Variants in BEGAIN observed in about 807,000 individuals in gnomAD.
BEGAIN encodes brain enriched guanylate kinase associated.
Under a neutral mutation model 35.8 loss-of-function variants are expected in BEGAIN, and 19 were observed. The observed-to-expected ratio is 0.53, with a 90% confidence interval of 0.37 to 0.78. The LOEUF (loss-of-function observed/expected upper bound fraction) is 0.78. Among genes scored for constraint, BEGAIN ranks in the 30% least tolerant of loss-of-function variants. BEGAIN has a pLI of 0.00. For synonymous variants in BEGAIN, 462 were observed against 388.6 expected (o/e 1.19, Z -2.22); for missense variants, 795 against 853.6 (o/e 0.93, Z 0.85).
At chr14:100,579,441 C>T (rs2035271324) in intron 1 of BEGAIN, among the ~76,000 whole-genome samples, 1 of 152,208 alleles carries the variant, frequency 6.6e-6, no homozygotes, top group Admixed American at 6.5e-5. Flanking sequence ...CTGCCCACTG[C>T]ACCCCACACA....
intron 2 of BEGAIN, among the ~76,000 whole-genome samples, chr14:100,561,980 C>G (rs932116882): frequency 2.6e-5 from 4 of 152,124 alleles, no homozygotes; most frequent in Non-Finnish European, 5.9e-5. Flanking sequence ...GTCTTGGTTC[C>G]TCACCCCCTG....
intron 6 of BEGAIN, chr14:100,540,065 T>G (rs1158862722): frequency 5.8e-6 from 1 of 172,906 alleles, no homozygotes; most frequent in Non-Finnish European, 1.2e-5. Context: ...GTCCTGGCTC[T>G]GCTACCTGCC....
chr14:100,552,333 G>A (rs368593760), intron 2 of BEGAIN, among the ~76,000 whole-genome samples: 1 of 152,170 alleles, frequency 6.6e-6, no homozygotes, highest in African/African-American at 2.4e-5. Context: ...CTGGTGACCC[G>A]CTCTGGTTCT....
At position 100,539,267 on chromosome 14, in the gene BEGAIN, C is replaced by T. The variant is rs1439849478; in HGVS notation, c.541G>A (p.Gly181Ser). The T allele has an allele frequency of 6.3e-6, 10 of 1,585,350 alleles. No homozygotes were observed. The highest frequency in any genetic ancestry group is 4.6e-5 in the South Asian group (4 of 86,082). ...ERVSLHMEKH[G>S]CSLPSPLCHP... ...CAGAGCGGGGATGGCAGGCTGCAGC[C>T]GTGCTTCTCCATGTGCAGGCTCACG... The change falls in exon 7 of 7, where the codon GGC (glycine) becomes AGC (serine). Residue 181 changes from glycine to serine, a missense_variant. By Grantham distance (56) the Gly-to-Ser change is moderately conservative (BLOSUM62 0). Coordinates refer to ENST00000554140, the MANE Select transcript of BEGAIN (RefSeq NM_001385089.1).
intron 1 of BEGAIN, chr14:100,577,200 C>T (rs888421812): frequency 2.3e-5 from 9 of 397,716 alleles, no homozygotes; most frequent in South Asian, 1.4e-4. Flanking sequence ...AGGTCTTTCC[C>T]GTTACAAATA....
intron 2 of BEGAIN, among the ~76,000 whole-genome samples, chr14:100,564,131 GCTGT>G (rs777909086): frequency 7.2e-5 from 11 of 151,822 alleles, no homozygotes; most frequent in Non-Finnish European, 1.2e-4. Context: ...GCAGGATGGG[GCTGT>G]CTGTGGGGAA....
In BEGAIN at chr14:100,558,738, CAGGAGCCTCACCTTCT is replaced by C. The variant is rs1469781753; in HGVS notation, c.71+9157_71+9172del. ...TCTCCCCATCCTTCCCAGGGTATAC[CAGGAGCCTCACCTTCT>C]AGGACCACCCACCACACCAGGCCCA... On this transcript the variant is annotated intron_variant, in intron 2 of 6. Coordinates refer to ENST00000554140, the MANE Select transcript of BEGAIN (RefSeq NM_001385089.1). This position sits in a 1 kb window ranked among gnomAD's most constrained non-coding sequence, Gnocchi z 4.6. Among the ~76,000 whole-genome samples, 1 of 152,206 alleles carries C rather than the reference CAGGAGCCTCACCTTCT, an allele frequency of 6.6e-6. No homozygotes were observed.
In BEGAIN at chr14:100,544,921, G is replaced by T. The variant is rs2032169324; in HGVS notation, c.300+79C>A. 4 of 1,412,062 alleles carry T rather than the reference G, an allele frequency of 2.8e-6. No individual in the cohort carries two copies. The Admixed American group carries it at 5.0e-5, about 18-fold the overall frequency. The allele number at this position is 1,412,062 out of a possible 1,614,324, so 87.5% of individuals were successfully genotyped here. Reference sequence around the variant, plus strand: ...AGACCTGTGTCCCAGCTCCTGAGTGGCCCAGGGGTGTCAGCTGGGTGGCTC... The same window carrying T: ...AGACCTGTGTCCCAGCTCCTGAGTGTCCCAGGGGTGTCAGCTGGGTGGCTC... On this transcript the variant is annotated intron_variant, in intron 4 of 6. Coordinates refer to ENST00000554140, the MANE Select transcript of BEGAIN (RefSeq NM_001385089.1).
intron 2 of BEGAIN, among the ~76,000 whole-genome samples, chr14:100,562,995 C>T (rs1011661383): frequency 1.3e-5 from 2 of 152,192 alleles, no homozygotes; most frequent in African/African-American, 4.8e-5. Context: ...TCACGGGGCC[C>T]ACGCGGGAGA....
At chr14:100,581,837 T>C (rs1422791286) in intron 1 of BEGAIN, among the ~76,000 whole-genome samples, 1 of 152,248 alleles carries the variant, frequency 6.6e-6, no homozygotes, top group Non-Finnish European at 1.5e-5. Flanking sequence ...GGCTGCCCAC[T>C]GTCTGCTGGG....
chr14:100,585,903 C>T (rs561265261), intron 1 of BEGAIN, among the ~76,000 whole-genome samples: 142 of 152,380 alleles, frequency 9.3e-4, no homozygotes, highest in African/African-American at 3.4e-3. Flanking sequence ...CGCCCAGAGC[C>T]CGTGTGCTGA....
In BEGAIN at chr14:100,550,287, G is replaced by A. The variant is rs1010074296; in HGVS notation, c.72-3625C>T. The A allele has an allele frequency of 5.1e-5, 20 of 395,982 alleles. 1 individual carries two copies. Among genetic ancestry groups the A allele is most frequent in the Admixed American group, 3.1e-4 (7 of 22,642 alleles). 24.5% of individuals were successfully genotyped at this position (395,982 alleles called of 1,614,324 possible). A position where few individuals can be genotyped will look rare whatever the true frequency, so the allele number is the denominator to read the frequency against. On this transcript the variant is annotated intron_variant, in intron 2 of 6. Coordinates refer to ENST00000554140, the MANE Select transcript of BEGAIN (RefSeq NM_001385089.1). ...GGGCTGAGGGCTGTGAGGCTGTGCC[G>A]CCGGCCCACGCCTTCACCTTCACCT... is the stretch of plus-strand genomic sequence containing the variant.
At chr14:100,554,874 T>C (rs1267717869) in intron 2 of BEGAIN, among the ~76,000 whole-genome samples, 4 of 152,182 alleles carry the variant, frequency 2.6e-5, no homozygotes, top group Non-Finnish European at 5.9e-5. Flanking sequence ...GCCTCGCCAT[T>C]CCTGGCCCCC....
intron 2 of BEGAIN, among the ~76,000 whole-genome samples, chr14:100,550,998 C>T (rs2033138346): frequency 6.6e-6 from 1 of 152,222 alleles, no homozygotes; most frequent in African/African-American, 2.4e-5. Context: ...TCCCTACTAG[C>T]TCTGCATCTG....
At chr14:100,572,992 C>T (rs1019887426) in intron 1 of BEGAIN, among the ~76,000 whole-genome samples, 1 of 151,902 alleles carries the variant, frequency 6.6e-6, no homozygotes, top group Non-Finnish European at 1.5e-5. Context: ...AGACAGACCC[C>T]AAGAGATGAA....
intron 2 of BEGAIN, among the ~76,000 whole-genome samples, chr14:100,565,585 A>T (rs1595140717): frequency 6.6e-6 from 1 of 152,048 alleles, no homozygotes; most frequent in African/African-American, 2.4e-5. Flanking sequence ...CTCAATCCAG[A>T]CCCACAGACC....
chr14:100,552,974 G>C (rs2033350026), intron 2 of BEGAIN, among the ~76,000 whole-genome samples: 1 of 151,736 alleles, frequency 6.6e-6, no homozygotes, highest in Admixed American at 6.6e-5. Flanking sequence ...GCTGCCACCT[G>C]GGCCCTGTGT....
At chr14:100,572,608 A>G (rs2035108974) in intron 1 of BEGAIN, among the ~76,000 whole-genome samples, 1 of 152,122 alleles carries the variant, frequency 6.6e-6, no homozygotes, top group Admixed American at 6.5e-5. Flanking sequence ...TGAGCCTAAC[A>G]TGTGGAGGGC....
Position 100,537,894 on chromosome 14 carries a change from G to T in BEGAIN, c.*75C>A. On this transcript the variant is annotated 3_prime_UTR_variant, in exon 7 of 7. Transcript: ENST00000554140. ...GGGCAGGGGAACAGCGGGGGCTGGG[G>T]AGAGGTGAGGCCGGCCCTTCTGGGG... The T allele has an allele frequency of 4.0e-6, 6 of 1,503,666 alleles. No homozygotes were observed. Among genetic ancestry groups the T allele is most frequent in the Non-Finnish European group, 5.3e-6 (6 of 1,125,168 alleles). 93.1% of individuals were successfully genotyped at this position (1,503,666 alleles called of 1,614,324 possible).
Sources: allele counts gnomAD v4.1 joint callset (sites outside exome capture counted in the v4.1 genomes callset), GRCh38; gene constraint gnomAD v4.1.1; non-coding constraint Gnocchi (gnomAD v3.1); transcripts MANE v1.5; gene names NCBI Gene and HGNC (gene_info 2026-07-23, HGNC 2026-07-21).